Variants in TAFA5 observed in about 807,000 individuals in gnomAD.
TAFA5 encodes the protein chemokine-like protein TAFA-5.
TAFA5 carries 6 observed loss-of-function variants against 15.3 expected under a neutral mutation model. The observed-to-expected ratio is 0.39, with a 90% confidence interval of 0.21 to 0.77. The LOEUF is 0.77. Among genes scored for constraint, TAFA5 ranks in the 30% least tolerant of loss-of-function variants. The probability of loss-of-function intolerance (pLI) is 0.41; values close to 1 mark genes in which losing one functional copy is unlikely to be tolerated. For synonymous variants in TAFA5, 103 were observed against 80.7 expected (o/e 1.28, Z -1.48); for missense variants, 161 against 193.1 (o/e 0.83, Z 0.98).
At chr22:48,610,641 G>A (rs1458937176) in intron 1 of TAFA5, among the ~76,000 whole-genome samples, 1 of 151,888 alleles carries the variant, frequency 6.6e-6, no homozygotes, top group Non-Finnish European at 1.5e-5. Context: ...CACCTGGAGG[G>A]CTTCGGGCCG....
chr22:48,682,706 T>C (rs1928231865), intron 2 of TAFA5, among the ~76,000 whole-genome samples: 2 of 152,346 alleles, frequency 1.3e-5, no homozygotes, highest in South Asian at 4.2e-4. Context: ...GGCATTTGCA[T>C]ATTACCCAGA....
At chr22:48,678,415 C>T (rs1168559707) in intron 2 of TAFA5, among the ~76,000 whole-genome samples, 1 of 152,218 alleles carries the variant, frequency 6.6e-6, no homozygotes, top group Non-Finnish European at 1.5e-5. Flanking sequence ...CCATGTGTCT[C>T]AGGGCCCTGT....
At position 48,724,143 on chromosome 22, in the gene TAFA5, G is replaced by T. The variant is rs936833447; in HGVS notation, c.390+16299G>T. Among the ~76,000 whole-genome samples the T allele has an allele frequency of 1.7e-4, 24 of 141,100 alleles. 1 individual carries two copies. The highest frequency in any genetic ancestry group is 5.3e-4 in the African/African-American group (21 of 39,264). The allele number at this position is 141,100 out of a possible 152,430, so 92.6% of individuals were successfully genotyped here. Reference sequence around the variant, plus strand: ...CATTGCTGCAGTAGGAGAGACTTGGGGTTCTCGTTGCATTGCTGCAAGCAG... The same window carrying T: ...CATTGCTGCAGTAGGAGAGACTTGGTGTTCTCGTTGCATTGCTGCAAGCAG... On this transcript the variant is annotated intron_variant, in intron 3 of 3. Coordinates refer to ENST00000402357, the MANE Select transcript of TAFA5 (RefSeq NM_001082967.3).
chr22:48,610,167 G>A lies in TAFA5; in HGVS notation c.113-36430G>A, dbSNP rs563457381. Among the ~76,000 whole-genome samples, 256 of 152,280 alleles carry A rather than the reference G, an allele frequency of 1.7e-3. 1 individual carries two copies. The highest frequency in any genetic ancestry group is 5.8e-3 in the African/African-American group (241 of 41,558). ...CTCAGCAGGGTCTGACCAGAGGCGG[G>A]GCAGGGAGGCCTTCCCGTGGCCCCC... On this transcript the variant is annotated intron_variant, in intron 1 of 3. Transcript: ENST00000402357.
intron 2 of TAFA5, among the ~76,000 whole-genome samples, chr22:48,665,610 C>T (rs981305089): frequency 3.3e-5 from 5 of 152,110 alleles, no homozygotes; most frequent in South Asian, 2.1e-4. Flanking sequence ...CATGGAGACC[C>T]GACAGATCCA....
At chr22:48,648,962 A>T (rs1189976604) in intron 2 of TAFA5, among the ~76,000 whole-genome samples, 2 of 152,190 alleles carry the variant, frequency 1.3e-5, no homozygotes, top group Non-Finnish European at 2.9e-5. Flanking sequence ...CAGGAGGAGG[A>T]GGGCTGACGG....
At chr22:48,516,008 T>C (rs931252550) in intron 1 of TAFA5, among the ~76,000 whole-genome samples, 1 of 151,856 alleles carries the variant, frequency 6.6e-6, no homozygotes, top group Admixed American at 6.6e-5. Flanking sequence ...CCTCACTCCC[T>C]GTGCGCCGCC....
chr22:48,594,497 C>T (rs998852863), intron 1 of TAFA5, among the ~76,000 whole-genome samples: 1 of 152,194 alleles, frequency 6.6e-6, no homozygotes, highest in African/African-American at 2.4e-5. Context: ...GGGCTGGGCC[C>T]CACCCTCTCA....
At chr22:48,681,463 T>G in intron 2 of TAFA5, among the ~76,000 whole-genome samples, 1 of 142,478 alleles carries the variant, frequency 7.0e-6, no homozygotes, top group Non-Finnish European at 1.5e-5. Context: ...GGGAACACGG[T>G]GAAACCCTGT....
intron 1 of TAFA5, among the ~76,000 whole-genome samples, chr22:48,514,702 TC>T (rs1374072607): frequency 6.6e-6 from 1 of 152,172 alleles, no homozygotes; most frequent in Non-Finnish European, 1.5e-5. Flanking sequence ...TACAGGGAAC[TC>T]TGAAAATTGA....
intron 1 of TAFA5, among the ~76,000 whole-genome samples, chr22:48,557,316 G>A (rs1240190712): frequency 6.6e-6 from 1 of 152,152 alleles, no homozygotes; most frequent in African/African-American, 2.4e-5. Flanking sequence ...GGCACAGAGG[G>A]GCCACCCTGT....
chr22:48,733,181 A>G (rs1029287655), intron 3 of TAFA5, among the ~76,000 whole-genome samples: 1 of 152,194 alleles, frequency 6.6e-6, no homozygotes, highest in African/African-American at 2.4e-5. Flanking sequence ...TGAATATTTT[A>G]AAAAGTCTTC....
chr22:48,651,322 G>A (rs1181276905), intron 2 of TAFA5, among the ~76,000 whole-genome samples: 1 of 152,224 alleles, frequency 6.6e-6, no homozygotes, highest in Non-Finnish European at 1.5e-5. Context: ...CAGACCCATT[G>A]TCAGGGCCGC....
intron 3 of TAFA5, among the ~76,000 whole-genome samples, chr22:48,733,140 A>G (rs1929914828): frequency 6.6e-6 from 1 of 152,220 alleles, no homozygotes. Context: ...CCTGTATTTC[A>G]AAATCAGGTA....
chr22:48,618,027 T>C (rs28680746), intron 1 of TAFA5, among the ~76,000 whole-genome samples: 94,473 of 152,100 alleles, frequency 0.62, 30,818 homozygotes, highest in East Asian at 0.92. Context: ...AGTGGCACAC[T>C]GGGATTTGAA....
chr22:48,576,850 C>T (rs995496665), intron 1 of TAFA5, among the ~76,000 whole-genome samples: 1 of 151,884 alleles, frequency 6.6e-6, no homozygotes, highest in African/African-American at 2.4e-5. Flanking sequence ...GGATCCCCAG[C>T]CCAAGCCGAG....
At chr22:48,671,734 C>G (rs1012613907) in intron 2 of TAFA5, among the ~76,000 whole-genome samples, 1 of 152,216 alleles carries the variant, frequency 6.6e-6, no homozygotes, top group Non-Finnish European at 1.5e-5. Context: ...ACAGTGGCCC[C>G]TCTCTGAAAA....
intron 1 of TAFA5, among the ~76,000 whole-genome samples, chr22:48,539,986 C>A (rs1216967007): frequency 6.6e-6 from 1 of 151,964 alleles, no homozygotes; most frequent in South Asian, 2.1e-4. Context: ...CGGGGTCTGG[C>A]AGAGCCCATG....
Position 48,565,180 on chromosome 22 carries a change from C to A in TAFA5, c.112+75476C>A, listed in dbSNP as rs568765210. 2.6e-5 allele frequency among the ~76,000 whole-genome samples: 4 copies of A among 152,324 alleles called. No individual in the cohort carries two copies. In the South Asian group the frequency reaches 6.2e-4, roughly 24 times the overall value. ...AGGGCATGTGGGCTCCGGCTTGAGG[C>A]AGGCCCAGGGAACAGGCAAGAACCC... On this transcript the variant is annotated intron_variant, in intron 1 of 3. Coordinates refer to ENST00000402357, the MANE Select transcript of TAFA5 (RefSeq NM_001082967.3).
Sources: allele counts gnomAD v4.1 joint callset (sites outside exome capture counted in the v4.1 genomes callset), GRCh38; gene constraint gnomAD v4.1.1; transcripts MANE v1.5; gene names NCBI Gene and HGNC (gene_info 2026-07-23, HGNC 2026-07-21).